The following SLIT2 variants were observed in gnomAD, a reference collection of about 807,000 sequenced individuals.
The protein encoded by SLIT2 is slit guidance ligand 2, also known as slit homolog 2 protein.
A neutral mutation model predicts 185.7 loss-of-function variants in SLIT2; 41 were observed. That is an observed-to-expected ratio of 0.22 (90% CI 0.17 to 0.29). SLIT2 has a LOEUF of 0.29. SLIT2 is among the 10% of genes least tolerant of loss of function. The pLI, the probability that SLIT2 is intolerant of heterozygous loss-of-function variation, is 1.00. For missense variants in SLIT2, 1,571 were observed against 1,909.0 expected, an observed-to-expected ratio of 0.82 and a Z score of 3.30; for synonymous variants, 693 against 680.2, an observed-to-expected ratio of 1.02 and a Z score of -0.29.
intron 4 of SLIT2, among the ~76,000 whole-genome samples, chr4:20,317,215 A>G (rs1345160441): frequency 6.6e-6 from 1 of 151,922 alleles, no homozygotes; most frequent in East Asian, 1.9e-4. Flanking sequence ...CCTGTTTGTT[A>G]CGCAGTATTA....
intron 33 of SLIT2, among the ~76,000 whole-genome samples, chr4:20,608,613 C>G (rs1251033720): frequency 1.3e-5 from 2 of 152,106 alleles, no homozygotes; most frequent in East Asian, 1.9e-4. Flanking sequence ...ACCACCTAAA[C>G]AGAAAGAATG....
intron 4 of SLIT2, among the ~76,000 whole-genome samples, chr4:20,321,772 T>C (rs752495661): frequency 6.6e-6 from 1 of 152,196 alleles, no homozygotes; most frequent in Non-Finnish European, 1.5e-5. Flanking sequence ...TCATTTTGCA[T>C]TCTCTCTCCC....
intron 4 of SLIT2, among the ~76,000 whole-genome samples, chr4:20,320,723 A>G (rs1719007408): frequency 6.6e-6 from 1 of 152,152 alleles, no homozygotes; most frequent in Non-Finnish European, 1.5e-5. Context: ...AAAGGGGTTA[A>G]GTGTTAACTA....
intron 4 of SLIT2, among the ~76,000 whole-genome samples, chr4:20,386,986 G>A (rs1458325373): frequency 2.0e-5 from 3 of 152,158 alleles, no homozygotes; most frequent in Admixed American, 6.5e-5. Context: ...TGGTAGAGAC[G>A]GGGTGTGGCT....
chr4:20,614,065 G>T (rs1418425128), intron 34 of SLIT2, among the ~76,000 whole-genome samples: 4 of 151,992 alleles, frequency 2.6e-5, no homozygotes, highest in African/African-American at 9.7e-5. Flanking sequence ...TAGAGACGGG[G>T]TTTCATCATG....
At position 20,457,117 on chromosome 4, in the gene SLIT2, A is replaced by G. The variant is rs75790116; in HGVS notation, c.396-10635A>G. Among the ~76,000 whole-genome samples the G allele has an allele frequency of 7.5e-3, 1,137 of 152,192 alleles. 22 individuals are homozygous for G. Among genetic ancestry groups the G allele is most frequent in the African/African-American group, 0.026 (1,067 of 41,556 alleles). ...CTTGAGAATTGTAATGTCCATAAGT[A>G]TAATACCAATTTTCTAATCATTGAT... is the stretch of plus-strand genomic sequence containing the variant. On this transcript the variant is annotated intron_variant, in intron 4 of 36. Coordinates refer to ENST00000504154, the MANE Select transcript of SLIT2 (RefSeq NM_004787.4).
chr4:20,411,157 T>A (rs965367420), intron 4 of SLIT2, among the ~76,000 whole-genome samples: 8 of 152,188 alleles, frequency 5.3e-5, no homozygotes, highest in African/African-American at 1.9e-4. Context: ...GTCCTAGGTA[T>A]TTTATTCTTT....
intron 12 of SLIT2, among the ~76,000 whole-genome samples, chr4:20,521,509 T>C (rs1448166040): frequency 6.6e-6 from 1 of 152,208 alleles, no homozygotes; most frequent in Non-Finnish European, 1.5e-5. Flanking sequence ...ACAACATCTT[T>C]CAGTTTCCTC....
intron 26 of SLIT2, among the ~76,000 whole-genome samples, chr4:20,563,794 G>C (rs553562317): frequency 6.6e-6 from 1 of 151,858 alleles, no homozygotes; most frequent in East Asian, 1.9e-4. Flanking sequence ...CAACTCTCTG[G>C]AAGTCTAAGA....
intron 4 of SLIT2, among the ~76,000 whole-genome samples, chr4:20,274,838 A>G (rs1035591834): frequency 1.3e-5 from 2 of 152,038 alleles, no homozygotes; most frequent in African/African-American, 4.8e-5. Context: ...TGGACTGCCA[A>G]CTTGAATTTG....
At chr4:20,543,897 T>C (rs983902432) in intron 21 of SLIT2, among the ~76,000 whole-genome samples, 13 of 152,170 alleles carry the variant, frequency 8.5e-5, no homozygotes, top group Admixed American at 3.9e-4. Flanking sequence ...TTAATTCTTA[T>C]AGTAATGTTT....
Position 20,261,302 on chromosome 4 carries a change from A to T in SLIT2, c.323+3363A>T, listed in dbSNP as rs149562818. ...AATTCAATGGAAATTCGGATAAAAA[A>T]GTCACAAATAAGCTGCAGTAAGAAT... On this transcript the variant is annotated intron_variant, in intron 3 of 36. Coordinates refer to ENST00000504154, the MANE Select transcript of SLIT2 (RefSeq NM_004787.4). Among the ~76,000 whole-genome samples, 15 of 152,058 alleles carry T rather than the reference A, an allele frequency of 9.9e-5. No individual in the cohort carries two copies. In the East Asian group the frequency reaches 2.9e-3, roughly 29 times the overall value.
At chr4:20,547,434 T>C (rs1407116224) in intron 22 of SLIT2, among the ~76,000 whole-genome samples, 1 of 152,084 alleles carries the variant, frequency 6.6e-6, no homozygotes, top group Non-Finnish European at 1.5e-5. Context: ...AAGTTACTTC[T>C]GCTAATACAG....
intron 4 of SLIT2, among the ~76,000 whole-genome samples, chr4:20,444,240 C>T (rs1711531431): frequency 6.6e-6 from 1 of 152,106 alleles, no homozygotes; most frequent in South Asian, 2.1e-4. Context: ...GAAGCATTGC[C>T]ACCAATTGCC....
chr4:20,473,743 G>A (rs1560456753), intron 5 of SLIT2, among the ~76,000 whole-genome samples: 2 of 151,806 alleles, frequency 1.3e-5, no homozygotes, highest in African/African-American at 4.8e-5. Flanking sequence ...AGTTTTCACT[G>A]TCATCTACAT....
At chr4:20,383,473 A>G (rs1309450501) in intron 4 of SLIT2, among the ~76,000 whole-genome samples, 4 of 152,204 alleles carry the variant, frequency 2.6e-5, no homozygotes, top group Non-Finnish European at 4.4e-5. Context: ...TATGCTTAAC[A>G]TATTACTCAC....
rs561648789 is a variant in SLIT2, at chr4:20,477,325, T to G, written c.468-3391T>G. Among the ~76,000 whole-genome samples the G allele has an allele frequency of 3.8e-4, 57 of 151,990 alleles. No homozygotes were observed. In the South Asian group the frequency reaches 0.011, roughly 30 times the overall value. On this transcript the variant is annotated intron_variant, in intron 5 of 36. Transcript: ENST00000504154. ...CAAGCAATTATCCTGCCTCCTCCCA[T>G]GTAGCTGGGATTACAGGTGCCCACC...
chr4:20,511,417 T>TTTC (rs1719697958), intron 11 of SLIT2, among the ~76,000 whole-genome samples: 1 of 147,346 alleles, frequency 6.8e-6, no homozygotes, highest in Non-Finnish European at 1.5e-5. Flanking sequence ...CATTTTTTTA[T>TTTC]TTCTTTTTTT....
At chr4:20,594,367 GTATATGTATGTA>G (rs879681772) in intron 30 of SLIT2, among the ~76,000 whole-genome samples, 8 of 151,604 alleles carry the variant, frequency 5.3e-5, no homozygotes, top group Non-Finnish European at 1.0e-4. Flanking sequence ...GCAGTTATGT[GTATATGTATGTA>G]TATATGTATG....
Sources: gnomAD v4.1 joint callset for allele counts (sites outside exome capture counted in the v4.1 genomes callset) on GRCh38, gnomAD v4.1.1 for gene constraint, MANE v1.5 for transcripts, NCBI Gene and HGNC (gene_info 2026-07-23, HGNC 2026-07-21) for gene names.